The following ADGRF3 variants were observed in gnomAD, a reference collection of about 807,000 sequenced individuals.
The protein encoded by ADGRF3 is adhesion G protein-coupled receptor F3.
ADGRF3 carries 85 observed loss-of-function variants against 93.2 expected under a neutral mutation model. The ratio of observed to expected loss-of-function variants is 0.91; its 90% CI spans 0.77 to 1.09. ADGRF3 has a LOEUF of 1.09. Among genes scored for constraint, ADGRF3 ranks in the 50% least tolerant of loss-of-function variants. The probability of loss-of-function intolerance (pLI) is 0.00; values close to 1 mark genes in which losing one functional copy is unlikely to be tolerated. For missense variants in ADGRF3, 1,125 were observed against 1,246.2 expected (o/e 0.90, Z 1.46); for synonymous variants, 534 against 532.5 (o/e 1.00, Z -0.04).
chr2:26,343,437 CTTT>C (rs61227869), intron 1 of ADGRF3, among the ~76,000 whole-genome samples: 1 of 146,332 alleles, frequency 6.8e-6, no homozygotes, highest in Non-Finnish European at 1.5e-5. Context: ...ATCAAATGAT[CTTT>C]TTTTTTTTTA....
intron 1 of ADGRF3, among the ~76,000 whole-genome samples, chr2:26,330,616 T>C (rs1675710833): frequency 6.6e-6 from 1 of 152,104 alleles, no homozygotes; most frequent in South Asian, 2.1e-4. Flanking sequence ...ATGGGATTGC[T>C]TAGAGGCTGG....
At chr2:26,345,488 G>C (rs973426922) in intron 1 of ADGRF3, among the ~76,000 whole-genome samples, 4 of 152,146 alleles carry the variant, frequency 2.6e-5, no homozygotes, top group African/African-American at 9.7e-5. Context: ...ACATAGACCT[G>C]AGGGGCTTGT....
chr2:26,317,934 C>T, intron 1 of ADGRF3: 1 of 1,129,356 alleles, frequency 8.9e-7, no homozygotes, highest in Non-Finnish European at 1.3e-6. Flanking sequence ...TTTATTCCTT[C>T]TGTAGGATTT....
chr2:26,343,259 G>A (rs1401261669), intron 1 of ADGRF3, among the ~76,000 whole-genome samples: 1 of 152,054 alleles, frequency 6.6e-6, no homozygotes, highest in Non-Finnish European at 1.5e-5. Flanking sequence ...AAATTTGTAT[G>A]AATTTAATTG....
rs1025825523 is a variant in ADGRF3 at position 26,346,037 on chromosome 2, G to T, written c.114+84C>A. The T allele has an allele frequency of 3.2e-5, 45 of 1,385,222 alleles. No homozygotes were observed. In the African/African-American group the frequency reaches 6.2e-4, roughly 19 times the overall value. The allele number at this position is 1,385,222 out of a possible 1,614,324, so 85.8% of individuals were successfully genotyped here. On this transcript the variant is annotated intron_variant, in intron 1 of 13. Coordinates refer to ENST00000651242, the MANE Select transcript of ADGRF3 (RefSeq NM_001321971.2). ...CCCCCCTCGATGGGCGGGGAGAAGC[G>T]TGGGCTGCGCTTGCGCACTGAGAGG...
In ADGRF3 at chr2:26,316,924, T is replaced by A. The variant is rs1165744238; in HGVS notation, c.313A>T (p.Arg105Ter). ...SSPRPLLTGL[R>*]LTTECNVNHK... ...ACGCAAGTGGTACCTGTTGTGAGTC[T>A]GAGGCCAGTGAGAAGAGGCCTTGGG... is the stretch of plus-strand genomic sequence containing the variant. Residue 105 changes from arginine (R) to a stop codon, truncating the protein, a stop_gained, in exon 3 of 14, where the codon AGA (arginine) becomes TGA (stop). Transcript: ENST00000651242. LOFTEE classifies it high-confidence loss of function. 6.2e-7 allele frequency: 1 copy of A among 1,609,474 alleles called. No individual in the cohort carries two copies. Among genetic ancestry groups the A allele is most frequent in the Non-Finnish European group, 8.5e-7 (1 of 1,178,664 alleles).
rs1349279383 is a variant in ADGRF3 at position 26,343,255 on chromosome 2, G to T, written c.114+2866C>A. 2.6e-5 allele frequency among the ~76,000 whole-genome samples: 4 copies of T among 152,024 alleles called. No individual in the cohort carries two copies. In the East Asian group the frequency reaches 7.7e-4, roughly 29 times the overall value. On this transcript the variant is annotated intron_variant, in intron 1 of 13. Coordinates refer to ENST00000651242, the MANE Select transcript of ADGRF3 (RefSeq NM_001321971.2). ...GGAGCATGACTAATATCTTAAATTT[G>T]TATGAATTTAATTGAACAGACTGGG...
At chr2:26,314,012 A>G in intron 6 of ADGRF3, 109 bp from the exon 7 acceptor site, 1 of 1,388,782 alleles carries the variant, frequency 7.2e-7, no homozygotes, top group Non-Finnish European at 9.9e-7. Context: ...AAACAGAGGA[A>G]GCAGTGGGGA....
At position 26,311,338 on chromosome 2, in the gene ADGRF3, C is replaced by T; in HGVS notation, c.2186G>A (p.Arg729Lys). 1 of 1,613,984 alleles carries T rather than the reference C, an allele frequency of 6.2e-7. No individual in the cohort carries two copies. The highest frequency in any genetic ancestry group is 8.5e-7 in the Non-Finnish European group (1 of 1,179,902). Reference protein sequence around the residue: ...VCLGVYWLVWRVVVRNKISYF... With the variant: ...VCLGVYWLVWKVVVRNKISYF... ...GGAGATCTTGTTCCGCACCACGACT[C>T]TCCACACCAGCCAGTACACACCCAG... Residue 729 changes from arginine (R) to lysine (K), a missense_variant, in exon 10 of 14, where the codon AGA becomes AAA. Arg to Lys is a conservative substitution (Grantham distance 26). Transcript: ENST00000651242.
At position 26,311,326 on chromosome 2, in the gene ADGRF3, C is replaced by T. The variant is rs749636287; in HGVS notation, c.2198G>A (p.Arg733Gln). Residue 733 changes from arginine to glutamine, a missense_variant, in exon 10 of 14, where the codon CGG (arginine) becomes CAG (glutamine). Physicochemically the swap from Arg to Gln is conservative, Grantham distance 43 (BLOSUM62 1). Coordinates refer to ENST00000651242, the MANE Select transcript of ADGRF3 (RefSeq NM_001321971.2). ...VYWLVWRVVV[R>Q]NKISYFRHAA... Reference sequence around the variant, plus strand: ...GTGGCGGAAATAGGAGATCTTGTTCCGCACCACGACTCTCCACACCAGCCA... The same window carrying T: ...GTGGCGGAAATAGGAGATCTTGTTCTGCACCACGACTCTCCACACCAGCCA... The T allele has an allele frequency of 3.5e-5, 56 of 1,613,772 alleles. No individual in the cohort carries two copies. The highest frequency in any genetic ancestry group is 1.6e-4 in the Middle Eastern group (1 of 6,084).
intron 1 of ADGRF3, among the ~76,000 whole-genome samples, chr2:26,336,244 C>T (rs1401172722): frequency 5.9e-5 from 9 of 151,788 alleles, no homozygotes; most frequent in Admixed American, 3.3e-4. Flanking sequence ...AACAAAGGAA[C>T]AGAAGCTTTG....
chr2:26,313,780 A>AT lies in ADGRF3; in HGVS notation c.1051dup (p.Ile351AsnfsTer15). The AT allele has an allele frequency of 6.2e-7, 1 of 1,613,906 alleles. No homozygotes were observed. Among genetic ancestry groups the AT allele is most frequent in the African/African-American group, 1.3e-5 (1 of 75,040 alleles). ...CGTACCCTGGATGATGGTGATGGAG[A>AT]TGGGGACCCTGAGTGGAGCCAGGCC... On this transcript the variant is annotated frameshift_variant, in exon 7 of 14. Coordinates refer to ENST00000651242, the MANE Select transcript of ADGRF3 (RefSeq NM_001321971.2). LOFTEE classifies it high-confidence loss of function.
In ADGRF3 at chr2:26,319,065, T is replaced by C. The variant is rs902459782; in HGVS notation, c.115-1503A>G. The C allele has an allele frequency of 5.2e-6, 8 of 1,544,832 alleles. No individual in the cohort carries two copies. In the Admixed American group the frequency reaches 1.4e-4, roughly 27 times the overall value. ...AACAGACCATGGCTCAGTGAAGCAG[T>C]CCCTACAAGCCCACGATGCAAATTT... On this transcript the variant is annotated intron_variant, in intron 1 of 13. Transcript: ENST00000651242.
intron 1 of ADGRF3, among the ~76,000 whole-genome samples, chr2:26,333,729 C>A (rs1675887446): frequency 6.6e-6 from 1 of 152,052 alleles, no homozygotes; most frequent in Non-Finnish European, 1.5e-5. Context: ...TAATACATAC[C>A]TAGGTTTTCT....
intron 1 of ADGRF3, among the ~76,000 whole-genome samples, chr2:26,343,581 A>G (rs1676516102): frequency 6.6e-6 from 1 of 152,080 alleles, no homozygotes; most frequent in South Asian, 2.1e-4. Flanking sequence ...CTGGGACTAC[A>G]GGTACCCGCC....
In ADGRF3 at chr2:26,346,503, A is replaced by T. The variant is rs972810123; in HGVS notation, c.-269T>A. On this transcript the variant is annotated 5_prime_UTR_variant, in exon 1 of 14. Transcript: ENST00000651242. Reference sequence around the variant, plus strand: ...GCCCGTAGTCGGCACCCCCCGGGAGATTTCCTTTTCCTTAGGAGAGCGCTC... The same window carrying T: ...GCCCGTAGTCGGCACCCCCCGGGAGTTTTCCTTTTCCTTAGGAGAGCGCTC... 1.9e-6 allele frequency: 1 copy of T among 517,394 alleles called. No homozygotes were observed. Among genetic ancestry groups the T allele is most frequent in the Non-Finnish European group, 3.3e-6 (1 of 300,798 alleles). The allele number at this position is 517,394 out of a possible 1,614,324, so 32.1% of individuals were successfully genotyped here.
At position 26,318,766 on chromosome 2, in the gene ADGRF3, A is replaced by G; in HGVS notation, c.115-1204T>C. ...GGACTCAAATAAGGAAACAAGAGCTATCCCCCACACCCAGGAAAGTAAAAC... is the reference window on the plus strand; with the variant it reads ...GGACTCAAATAAGGAAACAAGAGCTGTCCCCCACACCCAGGAAAGTAAAAC... On this transcript the variant is annotated intron_variant, in intron 1 of 13. Coordinates refer to ENST00000651242, the MANE Select transcript of ADGRF3 (RefSeq NM_001321971.2). 3 of 795,148 alleles carry G rather than the reference A, an allele frequency of 3.8e-6. No individual in the cohort carries two copies. The South Asian group carries it at 5.6e-5, about 15-fold the overall frequency. 49.3% of individuals were successfully genotyped at this position (795,148 alleles called of 1,614,324 possible). A position where few individuals can be genotyped will look rare whatever the true frequency, so the allele number is the denominator to read the frequency against.
At chr2:26,323,016 G>T (rs900928110) in intron 1 of ADGRF3, among the ~76,000 whole-genome samples, 2 of 152,042 alleles carry the variant, frequency 1.3e-5, no homozygotes, top group Non-Finnish European at 2.9e-5. Context: ...GTGGGCACCT[G>T]TAATCCCAGT....
rs745322160 is a variant in ADGRF3 at position 26,316,267 on chromosome 2, T to C, written c.499+8A>G. The C allele has an allele frequency of 3.2e-6, 5 of 1,550,650 alleles. No individual in the cohort carries two copies. The highest frequency in any genetic ancestry group is 3.5e-6 in the Non-Finnish European group (4 of 1,146,464). On this transcript the variant is annotated splice_region_variant and intron_variant, in intron 4 of 13. Coordinates refer to ENST00000651242, the MANE Select transcript of ADGRF3 (RefSeq NM_001321971.2). ...GCCATTGGTTTCCAAGTTCCCAACC[T>C]TCCTCACCAGGTGGCAGCAACTGGC...
Sources: gnomAD v4.1 joint callset for allele counts (sites outside exome capture counted in the v4.1 genomes callset) on GRCh38, gnomAD v4.1.1 for gene constraint, MANE v1.5 for transcripts, NCBI Gene and HGNC (gene_info 2026-07-23, HGNC 2026-07-21) for gene names.